Variants in EPB41L4B observed in about 807,000 individuals in gnomAD.
EPB41L4B encodes band 4.1-like protein 4B.
EPB41L4B carries 30 observed loss-of-function variants against 112.5 expected under a neutral mutation model. The observed-to-expected ratio is 0.27, with a 90% CI of 0.20 to 0.36. The LOEUF is 0.36. Among genes scored for constraint, EPB41L4B ranks in the 10% least tolerant of loss-of-function variants. The pLI, the probability that EPB41L4B is intolerant of heterozygous loss-of-function variation, is 1.00. For synonymous variants in EPB41L4B, 408 were observed against 439.7 expected (o/e 0.93, Z 0.90); for missense variants, 1,024 against 1,133.3 (o/e 0.90, Z 1.38).
At chr9:109,269,146 C>G (rs1835518405) in intron 2 of EPB41L4B, among the ~76,000 whole-genome samples, 1 of 152,172 alleles carries the variant, frequency 6.6e-6, no homozygotes, top group African/African-American at 2.4e-5. Context: ...AATAATCTCT[C>G]ATTATGCACT....
intron 24 of EPB41L4B, 46 bp downstream of exon 24, chr9:109,182,683 G>T: frequency 1.4e-6 from 2 of 1,434,696 alleles, no homozygotes; most frequent in South Asian, 1.2e-5. Context: ...CACACCGCAT[G>T]GGAACAAGGG....
intron 2 of EPB41L4B, among the ~76,000 whole-genome samples, chr9:109,268,895 T>A (rs1437941267): frequency 8.7e-5 from 1 of 11,456 alleles, no homozygotes; most frequent in Non-Finnish European, 2.0e-4. Flanking sequence ...AAACTCCGTC[T>A]CAAAAAAAAA....
chr9:109,313,814 C>A (rs1837515567), intron 1 of EPB41L4B, among the ~76,000 whole-genome samples: 1 of 152,220 alleles, frequency 6.6e-6, no homozygotes, highest in South Asian at 2.1e-4. Context: ...CCTTATTCAA[C>A]TGTGCTGAGG....
intron 19 of EPB41L4B, among the ~76,000 whole-genome samples, chr9:109,201,455 A>AAAAAAAAAAAAAAAG (rs746768403): frequency 7.2e-6 from 1 of 137,994 alleles, no homozygotes; most frequent in African/African-American, 2.7e-5. Flanking sequence ...GTCTCAAAAA[A>AAAAAAAAAAAAAAAG]AAAAAAAAAA....
intron 15 of EPB41L4B, among the ~76,000 whole-genome samples, chr9:109,236,326 T>C (rs2118931921): frequency 6.6e-6 from 1 of 152,202 alleles, no homozygotes; most frequent in South Asian, 2.1e-4. Context: ...CTGCTTCACC[T>C]TGGGCCTAAG....
At chr9:109,257,950 A>T (rs1835046668) in intron 7 of EPB41L4B, among the ~76,000 whole-genome samples, 2 of 152,196 alleles carry the variant, frequency 1.3e-5, no homozygotes, top group Admixed American at 6.5e-5. Flanking sequence ...GAGCCAACAT[A>T]GTGCCACTGC....
rs1389139671 is a variant in EPB41L4B at position 109,173,952 on chromosome 9, A to G, written c.*602T>C. The G allele has an allele frequency of 6.6e-6, 1 of 152,254 alleles. No homozygotes were observed. Among genetic ancestry groups the G allele is most frequent in the Non-Finnish European group, 1.5e-5 (1 of 68,046 alleles). 9.4% of individuals were successfully genotyped at this position (152,254 alleles called of 1,614,324 possible). On this transcript the variant is annotated 3_prime_UTR_variant, in exon 26 of 26. Transcript: ENST00000374566. ...ATAAATTCTGTTTATTCCAAATAAT[A>G]TCATATCCAAGGAGTTCACAAGTTA...
chr9:109,313,768 C>A (rs1837512764), intron 1 of EPB41L4B, among the ~76,000 whole-genome samples: 1 of 152,138 alleles, frequency 6.6e-6, no homozygotes, highest in Non-Finnish European at 1.5e-5. Context: ...AGCCGAGGGC[C>A]TCACCCTAAA....
chr9:109,280,637 G>A (rs1835998207), intron 1 of EPB41L4B, among the ~76,000 whole-genome samples: 1 of 152,154 alleles, frequency 6.6e-6, no homozygotes, highest in African/African-American at 2.4e-5. Flanking sequence ...GGAAAACTGA[G>A]AGAGAGTCTG....
At chr9:109,194,830 A>C (rs903069714) in intron 20 of EPB41L4B, among the ~76,000 whole-genome samples, 2 of 152,026 alleles carry the variant, frequency 1.3e-5, no homozygotes, top group African/African-American at 2.4e-5. Context: ...CATCAATTCC[A>C]CTTTCTGTCC....
At chr9:109,277,351 G>A (rs899065106) in intron 2 of EPB41L4B, among the ~76,000 whole-genome samples, 12 of 150,796 alleles carry the variant, frequency 8.0e-5, no homozygotes, top group Non-Finnish European at 1.6e-4. Context: ...AGACAGAATC[G>A]GAAGTGTAGG....
chr9:109,216,960 G>A lies in EPB41L4B; in HGVS notation c.1595C>T (p.Pro532Leu), dbSNP rs774695276. ...GCTGCTGGAGTTTGGGGACCTCAGA[G>A]GCCCCTCTTTGTTCTCCAGGGTCAG... ...LSLTLENKEGPLRSPNSSSKS... is the reference protein window; with the variant it reads ...LSLTLENKEGLLRSPNSSSKS... The change falls in exon 16 of 26, where the codon CCT (proline) becomes CTT (leucine). Residue 532 changes from proline to leucine, a missense_variant. Pro to Leu is a moderately conservative substitution (Grantham distance 98). Coordinates refer to ENST00000374566, the MANE Select transcript of EPB41L4B (RefSeq NM_019114.5). The A allele has an allele frequency of 4.3e-6, 7 of 1,614,170 alleles. No homozygotes were observed. The highest frequency in any genetic ancestry group is 5.9e-6 in the Non-Finnish European group (7 of 1,180,004).
intron 19 of EPB41L4B, among the ~76,000 whole-genome samples, chr9:109,203,199 G>A (rs10759334): frequency 0.41 from 62,411 of 151,984 alleles, 13,102 homozygotes; most frequent in Middle Eastern, 0.49. Context: ...GAACATATGT[G>A]GCTCCAGCAC....
intron 15 of EPB41L4B, among the ~76,000 whole-genome samples, chr9:109,229,395 C>A (rs984581129): frequency 6.6e-6 from 1 of 152,222 alleles, no homozygotes; most frequent in African/African-American, 2.4e-5. Context: ...CCAGCTGATG[C>A]AGTAGGAAAT....
chr9:109,294,679 T>C (rs1319874608), intron 1 of EPB41L4B, among the ~76,000 whole-genome samples: 2 of 46,688 alleles, frequency 4.3e-5, no homozygotes, highest in African/African-American at 3.9e-4. Context: ...TGGCTGTGTG[T>C]GTGTGTGTGT....
chr9:109,304,913 A>AGGCACT lies in EPB41L4B; in HGVS notation c.306+15227_306+15228insAGTGCC, dbSNP rs1554765363. Among the ~76,000 whole-genome samples the AGGCACT allele has an allele frequency of 8.5e-5, 13 of 152,222 alleles. 1 individual carries two copies. Among genetic ancestry groups the AGGCACT allele is most frequent in the African/African-American group, 3.1e-4 (13 of 41,532 alleles). ...GGAGGAATGACGGCTCAACAGGTAG[A>AGGCACT]GGGTTTCCTTTTGGGGTGATGACAA... On this transcript the variant is annotated intron_variant, in intron 1 of 25. Transcript: ENST00000374566.
Position 109,174,488 on chromosome 9 carries a change from C to A in EPB41L4B, c.*66G>T. 1 of 1,471,006 alleles carries A rather than the reference C, an allele frequency of 6.8e-7. No individual in the cohort carries two copies. Among genetic ancestry groups the A allele is most frequent in the Non-Finnish European group, 9.5e-7 (1 of 1,049,884 alleles). 91.1% of individuals were successfully genotyped at this position (1,471,006 alleles called of 1,614,324 possible). ...TGTATGCTGTGCTAGAGTGAGCACA[C>A]AAAGCCCGAAGAAAGAAGACGGACA... On this transcript the variant is annotated 3_prime_UTR_variant, in exon 26 of 26. Coordinates refer to ENST00000374566, the MANE Select transcript of EPB41L4B (RefSeq NM_019114.5).
chr9:109,269,298 T>C (rs978571005), intron 2 of EPB41L4B, among the ~76,000 whole-genome samples: 23 of 152,352 alleles, frequency 1.5e-4, no homozygotes, highest in Middle Eastern at 3.4e-3. Context: ...CTCTGGTCAA[T>C]GAGGGCATTT....
At chr9:109,196,452 C>CTAA (rs1174364646) in intron 20 of EPB41L4B, 3 of 152,198 alleles carry the variant, frequency 2.0e-5, no homozygotes, top group Non-Finnish European at 4.4e-5. Context: ...GGCACAGAGG[C>CTAA]TAATGCCTGT....
Sources: gnomAD v4.1 joint callset for allele counts (sites outside exome capture counted in the v4.1 genomes callset) on GRCh38, gnomAD v4.1.1 for gene constraint, MANE v1.5 for transcripts, NCBI Gene and HGNC (gene_info 2026-07-23, HGNC 2026-07-21) for gene names.